The following PDE4D variants were observed in gnomAD, a reference collection of about 807,000 sequenced individuals.
PDE4D encodes the protein 3',5'-cyclic-AMP phosphodiesterase 4D.
In PDE4D, 24 loss-of-function variants were observed where a neutral mutation model predicts 87.4. The ratio of observed to expected loss-of-function variants is 0.27; its 90% CI spans 0.20 to 0.39. The LOEUF is 0.39. Ranked by LOEUF, PDE4D falls within the 10% of genes least tolerant of loss-of-function variation. PDE4D has a pLI of 1.00. For synonymous variants in PDE4D, 384 were observed against 383.2 expected, an observed-to-expected ratio of 1.00 and a Z score of -0.02; for missense variants, 714 against 1,041.0, an observed-to-expected ratio of 0.69 and a Z score of 4.32.
rs147671178 is a variant in PDE4D, at chr5:59,151,943, G to A, written c.808+28652C>T. Among the ~76,000 whole-genome samples, 14 of 152,196 alleles carry A rather than the reference G, an allele frequency of 9.2e-5. No homozygotes were observed. In the East Asian group the frequency reaches 2.1e-3, roughly 23 times the overall value. ...TGGAAAAAGAAGAGGCAGATATAAG[G>A]AAAGGAAAAAGGCAAGAGAATAGAG... On this transcript the variant is annotated intron_variant, in intron 5 of 14. Coordinates refer to ENST00000340635, the MANE Select transcript of PDE4D (RefSeq NM_001104631.2).
intron 1 of PDE4D, among the ~76,000 whole-genome samples, chr5:59,573,874 C>T (rs1012329162): frequency 6.0e-5 from 9 of 149,546 alleles, no homozygotes; most frequent in East Asian, 2.0e-4. Flanking sequence ...AGCTTGCATG[C>T]GTAGTCCCAG....
intron 2 of PDE4D, among the ~76,000 whole-genome samples, chr5:60,062,323 A>ACTGAT (rs1405073795): frequency 3.3e-5 from 5 of 152,190 alleles, no homozygotes; most frequent in Non-Finnish European, 7.3e-5. Flanking sequence ...GCACAACATC[A>ACTGAT]CTGATCATTA....
intron 1 of PDE4D, among the ~76,000 whole-genome samples, chr5:59,797,913 G>T (rs1766673509): frequency 6.6e-6 from 1 of 152,034 alleles, no homozygotes; most frequent in Admixed American, 6.6e-5. Flanking sequence ...TGAATGCTAT[G>T]GCTACTATAT....
chr5:60,426,531 G>A (rs1314495786), intron 1 of PDE4D, among the ~76,000 whole-genome samples: 8 of 152,108 alleles, frequency 5.3e-5, no homozygotes. Context: ...GGCCTGTTGG[G>A]GGGTGTGGGG....
At chr5:60,394,853 T>C (rs1193761810) in intron 1 of PDE4D, among the ~76,000 whole-genome samples, 1 of 152,206 alleles carries the variant, frequency 6.6e-6, no homozygotes, top group Non-Finnish European at 1.5e-5. Context: ...TCTACATTAA[T>C]ATCCTCTCAT....
At chr5:59,196,073 T>G (rs985141965) in intron 2 of PDE4D, among the ~76,000 whole-genome samples, 13 of 152,056 alleles carry the variant, frequency 8.5e-5, no homozygotes, top group African/African-American at 3.1e-4. Flanking sequence ...TTAAAAGCTC[T>G]GGGGGAAAGA....
Position 59,893,287 on chromosome 5 carries a change from G to C in PDE4D, c.336C>G (p.Thr112=), listed in dbSNP as rs1036494345. ...TGGCGCGACAGTACAGGTAGCGCTC[G>C]GTGTCCGAGTAGCCGCGATGCCGGA... The part of the protein sequence containing the change: ...GRVRHRGYSD[T]ERYLYCRAMD... The change falls in exon 1 of 15, where the codon ACC becomes ACG. Residue 112 remains threonine (T), a synonymous_variant. Coordinates refer to ENST00000340635, the MANE Select transcript of PDE4D (RefSeq NM_001104631.2). 9.1e-6 allele frequency: 14 copies of C among 1,544,366 alleles called. No individual in the cohort carries two copies. Among genetic ancestry groups the C allele is most frequent in the East Asian group, 2.5e-5 (1 of 40,148 alleles).
chr5:59,430,715 C>T (rs1795981579), intron 1 of PDE4D: 1 of 215,014 alleles, frequency 4.7e-6, no homozygotes, highest in Admixed American at 5.9e-5. Context: ...CCACAAAAGC[C>T]TATTTCCACT....
At chr5:59,701,394 A>G (rs528545843) in intron 1 of PDE4D, among the ~76,000 whole-genome samples, 12 of 152,316 alleles carry the variant, frequency 7.9e-5, no homozygotes, top group African/African-American at 2.9e-4. Context: ...ATTCCCTGAG[A>G]AAAGGTTATT....
intron 1 of PDE4D, among the ~76,000 whole-genome samples, chr5:59,334,397 T>C (rs1777300746): frequency 6.6e-6 from 1 of 151,850 alleles, no homozygotes; most frequent in East Asian, 1.9e-4. Context: ...TAGCTGGGAC[T>C]ACAGGAACCT....
chr5:60,058,482 CTGT>C (rs1771023741), intron 2 of PDE4D, among the ~76,000 whole-genome samples: 1 of 151,800 alleles, frequency 6.6e-6, no homozygotes, highest in South Asian at 2.1e-4. Flanking sequence ...AGTGTTAGCA[CTGT>C]TATTATAAAA....
intron 2 of PDE4D, among the ~76,000 whole-genome samples, chr5:60,018,462 A>G (rs2221675): frequency 0.29 from 43,546 of 152,058 alleles, 7,096 homozygotes; most frequent in East Asian, 0.74. Flanking sequence ...TAGCATCATG[A>G]TGACAGGATC....
intron 1 of PDE4D, among the ~76,000 whole-genome samples, chr5:59,498,345 C>T (rs1183104034): frequency 6.7e-6 from 1 of 150,166 alleles, no homozygotes; most frequent in African/African-American, 2.4e-5. Flanking sequence ...TTTGCATAGT[C>T]AAAATTAATA....
At chr5:60,301,408 T>C (rs186203073) in intron 1 of PDE4D, among the ~76,000 whole-genome samples, 3 of 152,354 alleles carry the variant, frequency 2.0e-5, no homozygotes, top group East Asian at 1.9e-4. Flanking sequence ...GTAGTTCTCC[T>C]TGAAGAGGTC....
chr5:60,038,679 C>A (rs1185579448), intron 2 of PDE4D, among the ~76,000 whole-genome samples: 1 of 151,816 alleles, frequency 6.6e-6, no homozygotes. Context: ...ATTGTCGCAA[C>A]CTACTCATCT....
intron 6 of PDE4D, among the ~76,000 whole-genome samples, chr5:59,033,478 T>C (rs1757949333): frequency 6.6e-6 from 1 of 151,702 alleles, no homozygotes; most frequent in African/African-American, 2.4e-5. Flanking sequence ...AGAAAAAGAG[T>C]TGGTCCCTCC....
At chr5:60,255,650 C>T (rs1204409581) in intron 1 of PDE4D, among the ~76,000 whole-genome samples, 1 of 151,710 alleles carries the variant, frequency 6.6e-6, no homozygotes, top group East Asian at 1.9e-4. Flanking sequence ...CTCATTCATA[C>T]TTAATTACTC....
chr5:59,201,718 C>T (rs1219167430), intron 2 of PDE4D, among the ~76,000 whole-genome samples: 1 of 152,052 alleles, frequency 6.6e-6, no homozygotes, highest in Non-Finnish European at 1.5e-5. Context: ...GAATAAAGTT[C>T]CTAATATAAT....
In PDE4D at chr5:60,083,285, A is replaced by C. The variant is rs145977595; in HGVS notation, c.43-94568T>G. Among the ~76,000 whole-genome samples, 971 of 152,276 alleles carry C rather than the reference A, an allele frequency of 6.4e-3. 10 individuals are homozygous for C. Among genetic ancestry groups the C allele is most frequent in the African/African-American group, 0.022 (919 of 41,548 alleles). Reference sequence around the variant, plus strand: ...GAATTACATTTCTCTCTCACTTTATACCCATGAATTATATTAGACAGCACT... The same window carrying C: ...GAATTACATTTCTCTCTCACTTTATCCCCATGAATTATATTAGACAGCACT... On this transcript the variant is annotated intron_variant, in intron 2 of 16. Coordinates refer to the PDE4D transcript ENST00000502484.
Sources: allele counts gnomAD v4.1 joint callset (sites outside exome capture counted in the v4.1 genomes callset), GRCh38; gene constraint gnomAD v4.1.1; transcripts MANE v1.5; gene names NCBI Gene and HGNC (gene_info 2026-07-23, HGNC 2026-07-21).